SMARCD3: variants seen among roughly 807,000 people sequenced by gnomAD.
SMARCD3 encodes the protein SWI/SNF related BAF chromatin remodeling complex subunit D3.
Under a neutral mutation model 58.0 loss-of-function variants are expected in SMARCD3, and 14 were observed. The observed-to-expected ratio is 0.24, with a 90% CI of 0.16 to 0.38. The LOEUF is 0.38. Ranked by LOEUF, SMARCD3 falls within the 10% of genes least tolerant of loss-of-function variation. The pLI, the probability that SMARCD3 is intolerant of heterozygous loss-of-function variation, is 1.00. For synonymous variants in SMARCD3, 253 were observed against 253.8 expected (o/e 1.00, Z 0.03); for missense variants, 408 against 636.9 (o/e 0.64, Z 3.87).
intron 2 of SMARCD3, among the ~76,000 whole-genome samples, chr7:151,271,813 G>A (rs1373030863): frequency 6.6e-6 from 1 of 151,960 alleles, no homozygotes; most frequent in Non-Finnish European, 1.5e-5. Context: ...ACAAACAAAA[G>A]CTAGGGGGCA....
In SMARCD3 at chr7:151,240,798, A is replaced by G. The variant is rs1339065210; in HGVS notation, c.940-276T>C. 11 of 445,260 alleles carry G rather than the reference A, an allele frequency of 2.5e-5. 1 individual carries two copies. The East Asian group carries it at 4.8e-4, about 20-fold the overall frequency. 27.6% of individuals were successfully genotyped at this position (445,260 alleles called of 1,614,324 possible). A position where few individuals can be genotyped will look rare whatever the true frequency, so the allele number is the denominator to read the frequency against. On this transcript the variant is annotated intron_variant, in intron 8 of 12. Transcript: ENST00000262188. ...GTCCTGCCTCTGCCACTTACTATGCAACCTGGAGCAAGTTAACACCTCAGG... is the reference window on the plus strand; with the variant it reads ...GTCCTGCCTCTGCCACTTACTATGCGACCTGGAGCAAGTTAACACCTCAGG...
rs952855585 is a variant in SMARCD3 at position 151,241,046 on chromosome 7, C to A, written c.939+446G>T. 1.7e-5 allele frequency: 4 copies of A among 238,134 alleles called. No homozygotes were observed. The highest frequency in any genetic ancestry group is 3.3e-5 in the Non-Finnish European group (4 of 119,814). 14.8% of individuals were successfully genotyped at this position (238,134 alleles called of 1,614,324 possible). ...TATTCTCTGTTTTGGTGGAATTTTG[C>A]TCAATCACTTTTGCAGCAATTTGAT... On this transcript the variant is annotated intron_variant, in intron 8 of 12. Transcript: ENST00000262188. This position sits in a 1 kb window ranked among gnomAD's most constrained non-coding sequence, Gnocchi z 5.3.
chr7:151,266,415 T>C (rs1217823128), intron 2 of SMARCD3, among the ~76,000 whole-genome samples: 1 of 152,224 alleles, frequency 6.6e-6, no homozygotes, highest in Non-Finnish European at 1.5e-5. Context: ...AGAAGGTGAA[T>C]GTTGACAGCT....
At position 151,239,274 on chromosome 7, in the gene SMARCD3, A is replaced by G. The variant is rs1372251570; in HGVS notation, c.1399-118T>C. ...ATCTGGGAGCAGGGAGGGCCATTGC[A>G]TGGTGAGGCAGCGTGGTGAAGCTTT... On this transcript the variant is annotated intron_variant, in intron 12 of 12. Transcript: ENST00000262188. The surrounding 1 kb of genome is among the most constrained non-coding windows in gnomAD (Gnocchi z 7.0). 13 of 1,329,324 alleles carry G rather than the reference A, an allele frequency of 9.8e-6. No homozygotes were observed. The highest frequency in any genetic ancestry group is 1.4e-5 in the Non-Finnish European group (13 of 922,562). The allele number at this position is 1,329,324 out of a possible 1,614,324, so 82.3% of individuals were successfully genotyped here.
Position 151,241,901 on chromosome 7 carries a change from C to T in SMARCD3, c.753G>A (p.Thr251=), listed in dbSNP as rs752588972. 54 of 1,611,522 alleles carry T rather than the reference C, an allele frequency of 3.4e-5. No individual in the cohort carries two copies. The South Asian group carries it at 4.1e-4, about 12-fold the overall frequency. The change falls in exon 7 of 13, where the codon ACG becomes ACA. Residue 251 remains threonine (T), a synonymous_variant. Transcript: ENST00000262188. This position sits in a 1 kb window ranked among gnomAD's most constrained non-coding sequence, Gnocchi z 5.3. ...CCTGGTAGTCCAGCATGAGGAGCAGCGTGCAGCGCACACTCAGGTCCCCAG... is the reference window on the plus strand; with the variant it reads ...CCTGGTAGTCCAGCATGAGGAGCAGTGTGCAGCGCACACTCAGGTCCCCAG... ...KRPGDLSVRC[T]LLLMLDYQPP...
Position 151,245,381 on chromosome 7 carries a change from G to T in SMARCD3, c.290+79C>A. On this transcript the variant is annotated intron_variant, in intron 2 of 12. Coordinates refer to ENST00000262188, the MANE Select transcript of SMARCD3 (RefSeq NM_001003801.2). This position sits in a 1 kb window ranked among gnomAD's most constrained non-coding sequence, Gnocchi z 6.2. ...TTCTTCCTCGCCCCTTCCAATCCCCGCTACTCGCTTACCTGGTCCCTGCGG... is the reference window on the plus strand; with the variant it reads ...TTCTTCCTCGCCCCTTCCAATCCCCTCTACTCGCTTACCTGGTCCCTGCGG... 1.9e-6 allele frequency: 1 copy of T among 524,912 alleles called. No homozygotes were observed. The highest frequency in any genetic ancestry group is 2.9e-6 in the Non-Finnish European group (1 of 346,426). The allele number at this position is 524,912 out of a possible 1,614,324, so 32.5% of individuals were successfully genotyped here.
intron 2 of SMARCD3, among the ~76,000 whole-genome samples, chr7:151,267,940 G>A (rs1451191705): frequency 1.3e-5 from 2 of 152,218 alleles, no homozygotes; most frequent in Non-Finnish European, 2.9e-5. Flanking sequence ...TCGCACCACT[G>A]TACTCCAGCC....
intron 2 of SMARCD3, among the ~76,000 whole-genome samples, chr7:151,262,124 G>A (rs1215545804): frequency 1.3e-5 from 2 of 151,056 alleles, no homozygotes; most frequent in African/African-American, 2.4e-5. Context: ...GTTTTGCTCT[G>A]TCGTCTAGAC....
intron 2 of SMARCD3, among the ~76,000 whole-genome samples, chr7:151,259,283 C>A (rs1245233675): frequency 6.7e-6 from 1 of 148,532 alleles, no homozygotes; most frequent in Non-Finnish European, 1.5e-5. Flanking sequence ...ACCTGGGAGG[C>A]AGAGGTTGCG....
intron 2 of SMARCD3, among the ~76,000 whole-genome samples, chr7:151,269,926 C>A (rs1795118599): frequency 6.6e-6 from 1 of 152,202 alleles, no homozygotes; most frequent in Non-Finnish European, 1.5e-5. Flanking sequence ...GGAGAGCTCA[C>A]CTTCTAGCAC....
intron 2 of SMARCD3, among the ~76,000 whole-genome samples, chr7:151,259,616 T>TTGTTTG (rs1563682621): frequency 8.0e-6 from 1 of 125,664 alleles, no homozygotes; most frequent in Non-Finnish European, 1.7e-5. Flanking sequence ...TTTTTTTTTT[T>TTGTTTG]TTTTTTTTTT....
At chr7:151,264,729 G>A (rs1235424491) in intron 2 of SMARCD3, among the ~76,000 whole-genome samples, 1 of 152,270 alleles carries the variant, frequency 6.6e-6, no homozygotes, top group Non-Finnish European at 1.5e-5. Context: ...GCTGGAGGCA[G>A]TGTTGGCAGC....
At chr7:151,250,716 G>A (rs570032401), upstream of SMARCD3, among the ~76,000 whole-genome samples, 120 of 152,168 alleles carry the variant, frequency 7.9e-4, no homozygotes, top group Non-Finnish European at 1.6e-3. Flanking sequence ...CGTGCACTGT[G>A]CTTCAAGGAC....
At chr7:151,264,251 G>T (rs1745074361) in intron 2 of SMARCD3, among the ~76,000 whole-genome samples, 1 of 151,990 alleles carries the variant, frequency 6.6e-6, no homozygotes, top group Non-Finnish European at 1.5e-5. Context: ...TAGAGACAGG[G>T]TTTTGCCATG....
At chr7:151,261,310 G>T (rs146694754) in intron 2 of SMARCD3, among the ~76,000 whole-genome samples, 1 of 152,300 alleles carries the variant, frequency 6.6e-6, no homozygotes, top group East Asian at 1.9e-4. Flanking sequence ...CCTCTACCCA[G>T]TGTGGCAAAC....
In SMARCD3 at chr7:151,243,648, A is replaced by G. The variant is rs779943385; in HGVS notation, c.333+11T>C. ...GGGGGTGGGCTGGGGGCTGCTGTGA[A>G]AGGCACTCACCCTTTGAGGGAGGAT... On this transcript the variant is annotated intron_variant, in intron 3 of 12. Coordinates refer to ENST00000262188, the MANE Select transcript of SMARCD3 (RefSeq NM_001003801.2). This position sits in a 1 kb window ranked among gnomAD's most constrained non-coding sequence, Gnocchi z 4.4. 7 of 1,579,278 alleles carry G rather than the reference A, an allele frequency of 4.4e-6. No homozygotes were observed. The highest frequency in any genetic ancestry group is 6.1e-6 in the Non-Finnish European group (7 of 1,148,554).
rs760438835 is a variant in SMARCD3 at position 151,242,557 on chromosome 7, G to T, written c.503C>A (p.Ala168Glu). Residue 168 changes from alanine to glutamate, a missense_variant, in exon 5 of 13, where the codon GCG becomes GAG. Coordinates refer to ENST00000262188, the MANE Select transcript of SMARCD3 (RefSeq NM_001003801.2). This position sits in a 1 kb window ranked among gnomAD's most constrained non-coding sequence, Gnocchi z 4.7. ...GTCGGAATCCTCAGCATCAGGCTTC[G>T]CAGGGTTAAAAGTGTTGGAGATATA... is the stretch of plus-strand genomic sequence containing the variant. The part of the protein sequence containing the change: ...RLYISNTFNP[A>E]KPDAEDSDGS... The T allele has an allele frequency of 1.5e-5, 25 of 1,613,952 alleles. No individual in the cohort carries two copies. Among genetic ancestry groups the T allele is most frequent in the Non-Finnish European group, 2.0e-5 (24 of 1,179,982 alleles).
At position 151,242,107 on chromosome 7, in the gene SMARCD3, A is replaced by G. The variant is rs4725398; in HGVS notation, c.675+30T>C. ...GATTCTGGCCTGTGGGAGGGTGGCA[A>G]TTCAAGGGCGGAGGGGCTCTTGGTC... On this transcript the variant is annotated intron_variant, in intron 6 of 12. Transcript: ENST00000262188. The surrounding 1 kb of genome is among the most constrained non-coding windows in gnomAD (Gnocchi z 4.7). 649,735 of 1,577,876 alleles carry G rather than the reference A, an allele frequency of 0.41. 137,613 individuals carry two copies. The highest frequency in any genetic ancestry group is 0.72 in the East Asian group (32,177 of 44,704).
chr7:151,240,081 G>A (rs1460649386), intron 10 of SMARCD3, 31 bp downstream of exon 10: 1 of 1,605,078 alleles, frequency 6.2e-7, no homozygotes, highest in African/African-American at 1.4e-5. Context: ...CTGGGTTAAT[G>A]TCCCACTCCA....
Sources: allele counts gnomAD v4.1 joint callset (sites outside exome capture counted in the v4.1 genomes callset), GRCh38; gene constraint gnomAD v4.1.1; non-coding constraint Gnocchi (gnomAD v3.1); transcripts MANE v1.5; gene names NCBI Gene and HGNC (gene_info 2026-07-23, HGNC 2026-07-21).